HDAC4: variants seen among roughly 807,000 people sequenced by gnomAD.
The protein encoded by HDAC4 is histone deacetylase A.
HDAC4 carries 16 observed loss-of-function variants against 135.1 expected under a neutral mutation model. The observed-to-expected ratio is 0.12, with a 90% CI of 0.08 to 0.18. The LOEUF (loss-of-function observed/expected upper bound fraction) is 0.18, where lower values mean the gene tolerates loss of function less well. Ranked by LOEUF, HDAC4 falls within the 10% of genes least tolerant of loss-of-function variation. HDAC4 has a pLI of 1.00. For synonymous variants in HDAC4, 685 were observed against 653.4 expected (o/e 1.05, Z -0.74); for missense variants, 1,143 against 1,511.8 (o/e 0.76, Z 4.05).
chr2:239,343,453 T>A (rs556808445), intron 2 of HDAC4, among the ~76,000 whole-genome samples: 1 of 152,354 alleles, frequency 6.6e-6, no homozygotes, highest in South Asian at 2.1e-4. Flanking sequence ...GCAAAACCCA[T>A]GCTCGTTGAA....
chr2:239,275,472 C>T (rs1267924365), intron 2 of HDAC4, among the ~76,000 whole-genome samples: 1 of 152,208 alleles, frequency 6.6e-6, no homozygotes. Context: ...CATGTATGCA[C>T]ACGGAGCTCT....
At chr2:239,121,646 C>T (rs1190753790) in intron 12 of HDAC4, among the ~76,000 whole-genome samples, 3 of 152,384 alleles carry the variant, frequency 2.0e-5, no homozygotes, top group South Asian at 2.1e-4. Context: ...GCACGCCCCT[C>T]GGCCTGGAGG....
Position 239,081,192 on chromosome 2 carries a change from C to T in HDAC4, c.2653G>A (p.Val885Met). ...FFPGSGAPDE[V>M]GTGPGVGFNV... ...AAACCCACGCCGGGCCCTGTGCCCA[C>T]CTGTGGCCAGAAGGAGAGAAACACA... The change falls in exon 22 of 27, where the codon GTG becomes ATG. Residue 885 changes from valine to methionine, a missense_variant and splice_region_variant. By Grantham distance (21) the Val-to-Met change is conservative (BLOSUM62 1). Around this residue, in one of 9 missense-constraint regions of HDAC4, gnomAD observed 189 missense variants for 317.6 expected, o/e 0.60. Transcript: ENST00000543185. 6.2e-6 allele frequency: 10 copies of T among 1,612,468 alleles called. No individual in the cohort carries two copies. Among genetic ancestry groups the T allele is most frequent in the Non-Finnish European group, 8.5e-6 (10 of 1,179,490 alleles).
At chr2:239,287,085 G>A (rs367786670) in intron 2 of HDAC4, among the ~76,000 whole-genome samples, 1 of 152,164 alleles carries the variant, frequency 6.6e-6, no homozygotes, top group Non-Finnish European at 1.5e-5. Context: ...CGGACAATAC[G>A]AGGCATTTGA....
chr2:239,384,352 A>G (rs768945470), intron 1 of HDAC4, among the ~76,000 whole-genome samples: 12 of 150,926 alleles, frequency 8.0e-5, no homozygotes, highest in Non-Finnish European at 1.8e-4. Context: ...GGTGGCTTAC[A>G]CCTGTAATCC....
intron 2 of HDAC4, among the ~76,000 whole-genome samples, chr2:239,322,880 G>A (rs1273188183): frequency 5.3e-5 from 8 of 152,070 alleles, no homozygotes; most frequent in East Asian, 3.9e-4. Flanking sequence ...CTTCCTTCTC[G>A]GGAAGCCCAG....
chr2:239,164,302 G>T (rs1051072284), intron 5 of HDAC4, among the ~76,000 whole-genome samples: 1 of 152,240 alleles, frequency 6.6e-6, no homozygotes, highest in African/African-American at 2.4e-5. Context: ...TAAGAGAGAA[G>T]GCTTTGTGCA....
At chr2:239,225,816 C>T (rs1033234618) in intron 3 of HDAC4, among the ~76,000 whole-genome samples, 1 of 152,214 alleles carries the variant, frequency 6.6e-6, no homozygotes, top group Non-Finnish European at 1.5e-5. Context: ...CCTCGGAGCC[C>T]CTCATTGGAA....
At chr2:239,298,604 A>G (rs1481303444) in intron 2 of HDAC4, 6 of 1,002,022 alleles carry the variant, frequency 6.0e-6, no homozygotes, top group Non-Finnish European at 7.1e-6. Context: ...CAGCACACAC[A>G]GGATCAGCAG....
At chr2:239,067,339 A>G (rs901458149) in intron 23 of HDAC4, among the ~76,000 whole-genome samples, 17 of 152,008 alleles carry the variant, frequency 1.1e-4, no homozygotes, top group Admixed American at 6.5e-5. Flanking sequence ...CTGCACCCAC[A>G]TCACTCACCC....
intron 8 of HDAC4, among the ~76,000 whole-genome samples, chr2:239,142,621 A>G (rs1016925941): frequency 3.4e-5 from 5 of 147,422 alleles, no homozygotes; most frequent in African/African-American, 1.3e-4. Context: ...CCTGCCACGC[A>G]TGGCTCCTGG....
chr2:239,081,026 T>G, intron 22 of HDAC4, 69 bp downstream of exon 22: 1 of 1,214,616 alleles, frequency 8.2e-7, no homozygotes, highest in East Asian at 2.4e-5. Context: ...CTCCAACAAG[T>G]GCTTCCTGGA....
rs1448398445 is a variant in HDAC4, at chr2:239,050,107, AGT to A, written c.*2988_*2989del. On this transcript the variant is annotated 3_prime_UTR_variant, in exon 27 of 27. Transcript: ENST00000543185. ...GGACGCTTGCTGTGGAGAAGAGCCG[AGT>A]GTGTCTTCAAAGAAAAGGCTACACA... 6.6e-6 allele frequency: 1 copy of A among 152,628 alleles called. No homozygotes were observed. The highest frequency in any genetic ancestry group is 1.5e-5 in the Non-Finnish European group (1 of 68,062). The allele number at this position is 152,628 out of a possible 1,614,324, so 9.5% of individuals were successfully genotyped here.
In HDAC4 at chr2:239,134,429, C is replaced by T. The variant is rs762353824; in HGVS notation, c.1110G>A (p.Gln370=). Reference sequence around the variant, plus strand: ...GAAGGGTGAGTCTCTCGGCGTCCTGCTGGCCCGCCGTGCCCTGGAAAGCAC... The same window carrying T: ...GAAGGGTGAGTCTCTCGGCGTCCTGTTGGCCCGCCGTGCCCTGGAAAGCAC... ...ATGPSAGTAG[Q]QDAERLTLPA... is the part of the protein sequence containing the mutation. The change falls in exon 11 of 27, where the codon CAG becomes CAA. Residue 370 remains glutamine, a synonymous_variant. Transcript: ENST00000543185. 2.4e-5 allele frequency: 39 copies of T among 1,613,014 alleles called. No homozygotes were observed. The highest frequency in any genetic ancestry group is 3.3e-5 in the Non-Finnish European group (39 of 1,179,668).
intron 4 of HDAC4, among the ~76,000 whole-genome samples, chr2:239,183,640 G>A (rs1014189186): frequency 9.2e-5 from 14 of 152,300 alleles, no homozygotes; most frequent in African/African-American, 2.9e-4. Flanking sequence ...AGGTCTTCCC[G>A]TCTATTCTTA....
At chr2:239,188,526 G>A (rs1372390473) in intron 4 of HDAC4, among the ~76,000 whole-genome samples, 1 of 152,240 alleles carries the variant, frequency 6.6e-6, no homozygotes, top group Non-Finnish European at 1.5e-5. Context: ...CATGGACCAC[G>A]TGAGCATCTC....
At chr2:239,359,113 A>C (rs1693699074) in intron 1 of HDAC4, among the ~76,000 whole-genome samples, 2 of 152,222 alleles carry the variant, frequency 1.3e-5, no homozygotes, top group Non-Finnish European at 2.9e-5. Flanking sequence ...AAGATTTCAC[A>C]GGTTTTAACA....
rs528999395 is a variant in HDAC4 at position 239,146,705 on chromosome 2, C to A, written c.734-1991G>T. Among the ~76,000 whole-genome samples the A allele has an allele frequency of 3.0e-4, 45 of 150,986 alleles. No individual in the cohort carries two copies. In the South Asian group the frequency reaches 9.5e-3, roughly 32 times the overall value. On this transcript the variant is annotated intron_variant, in intron 7 of 26. Coordinates refer to ENST00000543185, the MANE Select transcript of HDAC4 (RefSeq NM_001378414.1). This position sits in a 1 kb window ranked among gnomAD's most constrained non-coding sequence, Gnocchi z 4.5. ...TGCTTCACCCCACCCCTTCCCTCCA[C>A]TCCCCTCCCCTTCCCTCCTCTCCCC... is the stretch of plus-strand genomic sequence containing the variant.
rs149374597 is a variant in HDAC4 at position 239,055,047 on chromosome 2, A to G, written c.3004-214T>C. The G allele has an allele frequency of 0.011, 5,472 of 484,960 alleles. 66 individuals carry two copies. The highest frequency in any genetic ancestry group is 0.023 in the South Asian group (1,115 of 48,126). 30.0% of individuals were successfully genotyped at this position (484,960 alleles called of 1,614,324 possible). A position where few individuals can be genotyped will look rare whatever the true frequency, so the allele number is the denominator to read the frequency against. On this transcript the variant is annotated intron_variant, in intron 24 of 26. Transcript: ENST00000543185. ...GGATTTTTTTTTAGGACGCTATAAG[A>G]TATTTGTGGGTTCCTACAAGTAGCA...
Sources: allele counts gnomAD v4.1 joint callset (sites outside exome capture counted in the v4.1 genomes callset), GRCh38; gene constraint gnomAD v4.1.1; regional missense constraint gnomAD v4.1.1; non-coding constraint Gnocchi (gnomAD v3.1); transcripts MANE v1.5; gene names NCBI Gene and HGNC (gene_info 2026-07-23, HGNC 2026-07-21).